The following TNNI1 variants were observed in gnomAD, a reference collection of about 807,000 sequenced individuals.
TNNI1 encodes the protein troponin I, slow skeletal muscle.
TNNI1 carries 14 observed loss-of-function variants against 26.7 expected under a neutral mutation model. That is an observed-to-expected ratio of 0.52 (90% CI 0.35 to 0.82). The LOEUF is 0.82. Among genes scored for constraint, TNNI1 ranks in the 40% least tolerant of loss-of-function variants. TNNI1 has a pLI of 0.01. For synonymous variants in TNNI1, 79 were observed against 98.2 expected, an observed-to-expected ratio of 0.80 and a Z score of 1.16; for missense variants, 164 against 257.0, an observed-to-expected ratio of 0.64 and a Z score of 2.47.
intron 1 of TNNI1, among the ~76,000 whole-genome samples, chr1:201,419,588 T>A (rs1662820439): frequency 6.6e-6 from 1 of 152,164 alleles, no homozygotes; most frequent in Non-Finnish European, 1.5e-5. Context: ...AAGACACTTG[T>A]AAAGTGCCTG....
rs1453073615 is a variant in TNNI1, at chr1:201,407,807, G to A, written c.*1446C>T. ...CACCTGTAATCCCAGAACTTTGGGA[G>A]GCCGAGGTGGGCAGATTACGAGGTC... On this transcript the variant is annotated 3_prime_UTR_variant, in exon 9 of 9. Coordinates refer to ENST00000361379, the MANE Select transcript of TNNI1 (RefSeq NM_003281.4). 2.0e-5 allele frequency: 3 copies of A among 152,146 alleles called. No individual in the cohort carries two copies. The East Asian group carries it at 5.8e-4, about 29-fold the overall frequency. The allele number at this position is 152,146 out of a possible 1,614,324, so 9.4% of individuals were successfully genotyped here.
In TNNI1 at chr1:201,411,202, C is replaced by T. The variant is rs934976447; in HGVS notation, c.456+155G>A. 3.3e-5 allele frequency among the ~76,000 whole-genome samples: 5 copies of T among 152,204 alleles called. No homozygotes were observed. Among genetic ancestry groups the T allele is most frequent in the African/African-American group, 9.7e-5 (4 of 41,442 alleles). On this transcript the variant is annotated intron_variant, in intron 7 of 8. Transcript: ENST00000361379. This position sits in a 1 kb window ranked among gnomAD's most constrained non-coding sequence, Gnocchi z 4.6. ...GGAGCAAATCTTCTTTCTTTCTTCC[C>T]ACACTGGTCTCCCAAAGCATTCTAG...
rs1662571096 is a variant in TNNI1, at chr1:201,408,576, C to G, written c.*677G>C. On this transcript the variant is annotated 3_prime_UTR_variant, in exon 9 of 9. Coordinates refer to ENST00000361379, the MANE Select transcript of TNNI1 (RefSeq NM_003281.4). Reference sequence around the variant, plus strand: ...GGAGAAGCGGCTCTTAATGGAGAGGCCTCTTCTGATGGCCAGAGTCAGGGG... The same window carrying G: ...GGAGAAGCGGCTCTTAATGGAGAGGGCTCTTCTGATGGCCAGAGTCAGGGG... The G allele has an allele frequency of 6.6e-6, 1 of 152,536 alleles. No homozygotes were observed. 9.4% of individuals were successfully genotyped at this position (152,536 alleles called of 1,614,324 possible). A position where few individuals can be genotyped will look rare whatever the true frequency, so the allele number is the denominator to read the frequency against.
In TNNI1 at chr1:201,411,353, T is replaced by TC; in HGVS notation, c.456+3dup. 3 of 1,613,522 alleles carry TC rather than the reference T, an allele frequency of 1.9e-6. No homozygotes were observed. The Middle Eastern group carries it at 5.0e-4, about 267-fold the overall frequency. On this transcript the variant is annotated splice_donor_region_variant and intron_variant, in intron 7 of 8. Coordinates refer to ENST00000361379, the MANE Select transcript of TNNI1 (RefSeq NM_003281.4). This position sits in a 1 kb window ranked among gnomAD's most constrained non-coding sequence, Gnocchi z 4.6. ...GTGGAATGTTCTGAGGAAAGGGACC[T>TC]CACCTTCTCTGTGTCTTCCTTCTTC... is the stretch of plus-strand genomic sequence containing the variant.
intron 5 of TNNI1, 119 bp from the exon 6 acceptor site, chr1:201,413,240 C>G (rs1662668930): frequency 9.8e-7 from 1 of 1,019,476 alleles, no homozygotes; most frequent in South Asian, 1.4e-5. Flanking sequence ...GAGGAGCTGA[C>G]AGTCTCCTCC....
At chr1:201,416,355 G>A (rs143240792) in intron 3 of TNNI1, among the ~76,000 whole-genome samples, 68 of 152,330 alleles carry the variant, frequency 4.5e-4, no homozygotes, top group African/African-American at 1.5e-3. Flanking sequence ...TTGGTGAGCC[G>A]ATGGCCACCT....
intron 3 of TNNI1, among the ~76,000 whole-genome samples, chr1:201,416,000 T>G (rs1662732266): frequency 6.6e-6 from 1 of 152,072 alleles, no homozygotes. Flanking sequence ...GGCGGTCACT[T>G]CTCATTGCCA....
chr1:201,419,962 C>A (rs1288386006), intron 1 of TNNI1, among the ~76,000 whole-genome samples: 2 of 152,190 alleles, frequency 1.3e-5, no homozygotes, highest in Non-Finnish European at 2.9e-5. Context: ...TGAGGAAGTC[C>A]AAAGGAAACA....
At chr1:201,410,482 C>G in intron 7 of TNNI1, 47 bp from the exon 8 acceptor site, 2 of 1,532,144 alleles carry the variant, frequency 1.3e-6, no homozygotes, top group Non-Finnish European at 1.8e-6. Flanking sequence ...GGCTGGACGG[C>G]CCCCCAGCTC....
chr1:201,417,112 T>A lies in TNNI1; in HGVS notation c.15+4A>T. Reference sequence around the variant, plus strand: ...AAGACAGAGATACCCCAAATATCACTTACCTCGCTTCAGGCATCCATCACA... The same window carrying A: ...AAGACAGAGATACCCCAAATATCACATACCTCGCTTCAGGCATCCATCACA... On this transcript the variant is annotated splice_donor_region_variant and intron_variant, in intron 3 of 8. Coordinates refer to ENST00000361379, the MANE Select transcript of TNNI1 (RefSeq NM_003281.4). The A allele has an allele frequency of 6.2e-7, 1 of 1,613,982 alleles. No individual in the cohort carries two copies. Among genetic ancestry groups the A allele is most frequent in the Non-Finnish European group, 8.5e-7 (1 of 1,179,956 alleles).
At chr1:201,419,708 C>T (rs1187520757) in intron 1 of TNNI1, among the ~76,000 whole-genome samples, 3 of 152,184 alleles carry the variant, frequency 2.0e-5, no homozygotes, top group East Asian at 1.9e-4. Flanking sequence ...TGGCCACCTC[C>T]CCTGAATCTC....
rs976409573 is a variant in TNNI1, at chr1:201,414,221, A to C, written c.189+297T>G. ...CCTTGGAAAAGTGGGGCTTCTCCCA[A>C]CCCCGGCCGCCTCCCCACTCCATGC... On this transcript the variant is annotated intron_variant, in intron 5 of 8. Transcript: ENST00000361379. Among the ~76,000 whole-genome samples the C allele has an allele frequency of 2.3e-3, 353 of 152,080 alleles. 3 individuals carry two copies. Among genetic ancestry groups the C allele is most frequent in the Admixed American group, 4.1e-3 (62 of 15,268 alleles).
rs1315597500 is a variant in TNNI1 at position 201,406,441 on chromosome 1, T to C, written c.*2812A>G. 1 of 152,226 alleles carries C rather than the reference T, an allele frequency of 6.6e-6. No homozygotes were observed. Among genetic ancestry groups the C allele is most frequent in the African/African-American group, 2.4e-5 (1 of 41,440 alleles). The allele number at this position is 152,226 out of a possible 1,614,324, so 9.4% of individuals were successfully genotyped here. On this transcript the variant is annotated 3_prime_UTR_variant, in exon 9 of 9. Coordinates refer to ENST00000361379, the MANE Select transcript of TNNI1 (RefSeq NM_003281.4). ...TTATTAGCTGTGTGATCATGAAAAG[T>C]CCCTAACCTCTCTGTGCCTCAGTTT...
chr1:201,409,671 C>G (rs1217763974), intron 8 of TNNI1, among the ~76,000 whole-genome samples: 1 of 152,204 alleles, frequency 6.6e-6, no homozygotes, highest in Non-Finnish European at 1.5e-5. Context: ...TGCCCTATTG[C>G]ACATTCTCTC....
chr1:201,411,540 G>A lies in TNNI1; in HGVS notation c.280-7C>T. The A allele has an allele frequency of 6.4e-7, 1 of 1,574,560 alleles. No homozygotes were observed. The highest frequency in any genetic ancestry group is 1.2e-5 in the South Asian group (1 of 85,084). ...TCAGCTTCAGGTCCTTAATCTGTAG[G>A]TGAGAAGCGCCCGGGGCTCACTGGA... On this transcript the variant is annotated splice_region_variant and splice_polypyrimidine_tract_variant and intron_variant, in intron 6 of 8. Coordinates refer to ENST00000361379, the MANE Select transcript of TNNI1 (RefSeq NM_003281.4). The surrounding 1 kb of genome is among the most constrained non-coding windows in gnomAD (Gnocchi z 4.6).
intron 3 of TNNI1, among the ~76,000 whole-genome samples, chr1:201,416,529 G>A (rs141668851): frequency 2.1e-3 from 326 of 152,226 alleles, no homozygotes; most frequent in Non-Finnish European, 3.8e-3. Context: ...CCATCCCTGG[G>A]CCCACATCCC....
In TNNI1 at chr1:201,411,935, G is replaced by T. The variant is rs1186568340; in HGVS notation, c.280-402C>A. On this transcript the variant is annotated intron_variant, in intron 6 of 8. Transcript: ENST00000361379. This position sits in a 1 kb window ranked among gnomAD's most constrained non-coding sequence, Gnocchi z 4.6. ...CTCATTTGCCCACTGCTCACCTGCT[G>T]CAGTGTGGCCCAGTTCCTAACAGGC... 1.3e-5 allele frequency among the ~76,000 whole-genome samples: 2 copies of T among 152,206 alleles called. No homozygotes were observed. Among genetic ancestry groups the T allele is most frequent in the African/African-American group, 4.8e-5 (2 of 41,458 alleles).
In TNNI1 at chr1:201,411,710, A is replaced by T. The variant is rs994862107; in HGVS notation, c.280-177T>A. Among the ~76,000 whole-genome samples, 4 of 152,178 alleles carry T rather than the reference A, an allele frequency of 2.6e-5. No individual in the cohort carries two copies. Among genetic ancestry groups the T allele is most frequent in the Non-Finnish European group, 5.9e-5 (4 of 68,018 alleles). On this transcript the variant is annotated intron_variant, in intron 6 of 8. Transcript: ENST00000361379. The surrounding 1 kb of genome is among the most constrained non-coding windows in gnomAD (Gnocchi z 4.6). ...TGTCACCAGGGACCGGTTTTGTGGA[A>T]GACACTTTTTCCACGGAGAGGTGGT...
intron 7 of TNNI1, 96 bp from the exon 8 acceptor site, chr1:201,410,531 G>A (rs1039080585): frequency 4.6e-6 from 5 of 1,081,176 alleles, no homozygotes; most frequent in South Asian, 2.7e-5. Context: ...CTCCTCGGAT[G>A]ATAAGAAATC....
Sources: gnomAD v4.1 joint callset for allele counts (sites outside exome capture counted in the v4.1 genomes callset) on GRCh38, gnomAD v4.1.1 for gene constraint, Gnocchi (gnomAD v3.1) non-coding constraint, MANE v1.5 for transcripts, NCBI Gene and HGNC (gene_info 2026-07-23, HGNC 2026-07-21) for gene names.